Variants in NEDD4L observed in about 807,000 individuals in gnomAD.
NEDD4L encodes E3 ubiquitin-protein ligase NEDD4-like.
NEDD4L carries 54 observed loss-of-function variants against 148.9 expected under a neutral mutation model. The ratio of observed to expected loss-of-function variants is 0.36; its 90% CI spans 0.29 to 0.45. NEDD4L has a LOEUF of 0.45. NEDD4L is among the 20% of genes least tolerant of loss of function. The pLI is 1.00. For missense variants in NEDD4L, 856 were observed against 1,233.8 expected (o/e 0.69, Z 4.59); for synonymous variants, 433 against 440.7 (o/e 0.98, Z 0.22).
Position 58,341,646 on chromosome 18 carries a change from ATGAAGCTAACTT to A in NEDD4L, c.1258-31_1258-20del. ...ATCACACACACCGGGAGATCCTCCT[ATGAAGCTAACTT>A]GTTTTTGCCTCCAAAATAGCTTGCA... On this transcript the variant is annotated intron_variant, in intron 14 of 30. Coordinates refer to ENST00000400345, the MANE Select transcript of NEDD4L (RefSeq NM_001144967.3). 6.3e-7 allele frequency: 1 copy of A among 1,599,128 alleles called. No individual in the cohort carries two copies. The highest frequency in any genetic ancestry group is 8.5e-7 in the Non-Finnish European group (1 of 1,172,748).
intron 6 of NEDD4L, among the ~76,000 whole-genome samples, chr18:58,319,461 G>GCAACT (rs2058584281): frequency 6.6e-6 from 1 of 152,210 alleles, no homozygotes; most frequent in South Asian, 2.1e-4. Context: ...TAGGCTGAAA[G>GCAACT]CAACTACTCT....
rs544232366 is a variant in NEDD4L, at chr18:58,396,755, G to A, written c.*486G>A. On this transcript the variant is annotated 3_prime_UTR_variant, in exon 31 of 31. Coordinates refer to ENST00000400345, the MANE Select transcript of NEDD4L (RefSeq NM_001144967.3). ...ATTTCACTTTCATACCAGGCTTAAT[G>A]TCAATGACATTTTTATTTTTGAAGT... 1 of 132,430 alleles carries A rather than the reference G, an allele frequency of 7.6e-6. No homozygotes were observed. Among genetic ancestry groups the A allele is most frequent in the South Asian group, 2.4e-4 (1 of 4,100 alleles). The allele number at this position is 132,430 out of a possible 1,614,324, so 8.2% of individuals were successfully genotyped here.
chr18:58,093,642 A>T (rs2084206808), intron 1 of NEDD4L, among the ~76,000 whole-genome samples: 1 of 152,178 alleles, frequency 6.6e-6, no homozygotes, highest in Non-Finnish European at 1.5e-5. Flanking sequence ...AGTGCGATAC[A>T]GTTGGTGGTA....
chr18:58,383,129 C>T lies in NEDD4L; in HGVS notation c.2353-117C>T. On this transcript the variant is annotated intron_variant, in intron 24 of 30. Transcript: ENST00000400345. ...TTCTCTTGTGCACAGAGCCCATTTG[C>T]CGGGAAATATTTCTGAATACATGTT... 4.6e-6 allele frequency: 3 copies of T among 648,178 alleles called. No homozygotes were observed. In the South Asian group the frequency reaches 5.6e-5, roughly 12 times the overall value. 40.2% of individuals were successfully genotyped at this position (648,178 alleles called of 1,614,324 possible). A position where few individuals can be genotyped will look rare whatever the true frequency, so the allele number is the denominator to read the frequency against.
chr18:58,313,315 T>C (rs2057910104), intron 5 of NEDD4L, among the ~76,000 whole-genome samples: 1 of 152,230 alleles, frequency 6.6e-6, no homozygotes, highest in African/African-American at 2.4e-5. Flanking sequence ...ATAAGTGTAG[T>C]TTCCTGGCTT....
intron 2 of NEDD4L, among the ~76,000 whole-genome samples, chr18:58,212,771 C>G (rs2042729539): frequency 2.1e-5 from 2 of 94,546 alleles, no homozygotes; most frequent in Admixed American, 2.0e-4. Context: ...CATACCTAGC[C>G]TGAATATATA....
chr18:58,109,070 C>A (rs1025996720), intron 1 of NEDD4L, among the ~76,000 whole-genome samples: 1 of 152,154 alleles, frequency 6.6e-6, no homozygotes, highest in African/African-American at 2.4e-5. Context: ...TAATAGAAAA[C>A]AATATATAGC....
At chr18:58,292,795 A>T (rs2054958680) in intron 5 of NEDD4L, among the ~76,000 whole-genome samples, 1 of 152,236 alleles carries the variant, frequency 6.6e-6, no homozygotes, top group Admixed American at 6.5e-5. Flanking sequence ...TTTGGAACGT[A>T]AGCTCTGAAA....
chr18:58,179,725 C>T (rs545205099), intron 2 of NEDD4L, among the ~76,000 whole-genome samples: 3 of 151,258 alleles, frequency 2.0e-5, no homozygotes, highest in East Asian at 1.9e-4. Context: ...CCTGATGATC[C>T]GTCACTGTCC....
chr18:58,123,036 C>A (rs112181463), intron 1 of NEDD4L, among the ~76,000 whole-genome samples: 62 of 152,286 alleles, frequency 4.1e-4, no homozygotes, highest in African/African-American at 1.4e-3. Flanking sequence ...CCTGGCCCCA[C>A]TGACTGTTTA....
At chr18:58,383,409 T>A in intron 25 of NEDD4L, 90 bp downstream of exon 25, 1 of 742,472 alleles carries the variant, frequency 1.3e-6, no homozygotes, top group Non-Finnish European at 2.3e-6. Context: ...CATGCATTTA[T>A]TATGGGCATG....
At chr18:58,322,628 C>T in intron 7 of NEDD4L, 142 bp downstream of exon 7, 1 of 556,748 alleles carries the variant, frequency 1.8e-6, no homozygotes, top group South Asian at 2.0e-5. Context: ...GGTGGGGATG[C>T]CTGCCCTGCA....
chr18:58,116,419 A>G (rs1472443998), intron 1 of NEDD4L, among the ~76,000 whole-genome samples: 1 of 152,204 alleles, frequency 6.6e-6, no homozygotes, highest in East Asian at 1.9e-4. Flanking sequence ...CCAGGCGCAG[A>G]TGTCAGCCCT....
intron 2 of NEDD4L, among the ~76,000 whole-genome samples, chr18:58,178,449 TG>T (rs2038427517): frequency 1.6e-5 from 1 of 63,922 alleles, no homozygotes; most frequent in East Asian, 6.1e-4. Context: ...CACTGCTTTG[TG>T]TTAATAAATG....
chr18:58,176,283 TCTC>T (rs1296908244), intron 2 of NEDD4L, among the ~76,000 whole-genome samples: 7 of 151,904 alleles, frequency 4.6e-5, no homozygotes, highest in Non-Finnish European at 7.4e-5. Context: ...GTCCTCTCTC[TCTC>T]CTCCTCCTCC....
intron 5 of NEDD4L, among the ~76,000 whole-genome samples, chr18:58,304,346 CAAAA>C (rs147670637): frequency 4.7e-5 from 3 of 64,322 alleles, no homozygotes; most frequent in Non-Finnish European, 1.0e-4. Context: ...CCTGTCTCTA[CAAAA>C]AAAAAAAAAA....
At chr18:58,169,471 G>A in intron 2 of NEDD4L, among the ~76,000 whole-genome samples, 1 of 151,722 alleles carries the variant, frequency 6.6e-6, no homozygotes, top group Non-Finnish European at 1.5e-5. Flanking sequence ...AGTCACCCTA[G>A]GTCAGAGACA....
intron 1 of NEDD4L, chr18:58,045,544 C>T (rs1219217957): frequency 1.3e-5 from 2 of 158,124 alleles, no homozygotes; most frequent in African/African-American, 4.8e-5. Context: ...GTCTCCCACT[C>T]CCCCCTTTTG....
At chr18:58,110,269 A>T (rs1380840370) in intron 1 of NEDD4L, among the ~76,000 whole-genome samples, 1 of 152,206 alleles carries the variant, frequency 6.6e-6, no homozygotes, top group Admixed American at 6.5e-5. Flanking sequence ...GTCAATCCAC[A>T]TGGGATGGAA....
Sources: allele counts gnomAD v4.1 joint callset (sites outside exome capture counted in the v4.1 genomes callset), GRCh38; gene constraint gnomAD v4.1.1; transcripts MANE v1.5; gene names NCBI Gene and HGNC (gene_info 2026-07-23, HGNC 2026-07-21).